The following SENP6 variants were observed in gnomAD, a reference collection of about 807,000 sequenced individuals.
The protein encoded by SENP6 is SUMO specific peptidase 6, also known as sentrin-specific protease 6.
SENP6 carries 41 observed loss-of-function variants against 134.5 expected under a neutral mutation model. That is an observed-to-expected ratio of 0.30 (90% CI 0.24 to 0.40). The LOEUF (loss-of-function observed/expected upper bound fraction) is 0.40. SENP6 is among the 10% of genes least tolerant of loss of function. SENP6 has a pLI of 1.00. For synonymous variants in SENP6, 395 were observed against 429.8 expected (o/e 0.92, Z 1.00); for missense variants, 1,248 against 1,312.5 (o/e 0.95, Z 0.76).
chr6:75,621,468 C>T, intron 1 of SENP6, 64 bp from the exon 2 acceptor site: 1 of 956,182 alleles, frequency 1.0e-6, no homozygotes, highest in Non-Finnish European at 1.6e-6. Flanking sequence ...GGGAAATGCA[C>T]ATATTTGTTT....
chr6:75,636,174 T>C (rs1178912655), intron 5 of SENP6, among the ~76,000 whole-genome samples: 1 of 152,172 alleles, frequency 6.6e-6, no homozygotes, highest in East Asian at 1.9e-4. Context: ...TCAGTTCATA[T>C]GAACTAGTTT....
At chr6:75,662,167 G>A (rs1235050847) in intron 8 of SENP6, among the ~76,000 whole-genome samples, 3 of 152,182 alleles carry the variant, frequency 2.0e-5, no homozygotes, top group Admixed American at 1.3e-4. Flanking sequence ...ATTAAGTGCA[G>A]TTGGTTATTT....
chr6:75,661,134 T>C (rs1279748146), intron 8 of SENP6, among the ~76,000 whole-genome samples: 1 of 152,234 alleles, frequency 6.6e-6, no homozygotes, highest in African/African-American at 2.4e-5. Context: ...ATATTTAATC[T>C]ATATTAGAAT....
At chr6:75,651,066 G>T (rs1770823047) in intron 7 of SENP6, among the ~76,000 whole-genome samples, 1 of 152,152 alleles carries the variant, frequency 6.6e-6, no homozygotes, top group Admixed American at 6.5e-5. Context: ...ACCATTAAGT[G>T]TAATTTTTGG....
intron 18 of SENP6, among the ~76,000 whole-genome samples, chr6:75,699,835 T>C (rs138244913): frequency 2.9e-4 from 44 of 152,264 alleles, no homozygotes; most frequent in African/African-American, 1.0e-3. Flanking sequence ...AAAATTGTTA[T>C]AGTAATTTCC....
rs1771919332 is a variant in SENP6 at position 75,663,252 on chromosome 6, C to T, written c.728C>T (p.Thr243Ile). The T allele has an allele frequency of 1.2e-6, 2 of 1,613,028 alleles. No homozygotes were observed. The highest frequency in any genetic ancestry group is 1.7e-6 in the Non-Finnish European group (2 of 1,179,680). ...CAAAGAAATTGCAGACAAGCTATTA[C>T]TTTGAATGAGTCTACTGGACCATTA... ...DLQRNCRQAITLNESTGPLLR... is the reference protein window; with the variant it reads ...DLQRNCRQAIILNESTGPLLR... Residue 243 changes from threonine to isoleucine, a missense_variant, in exon 9 of 24, where the codon ACT (threonine) becomes ATT (isoleucine). Physicochemically the swap from Thr to Ile is moderately conservative, Grantham distance 89. Coordinates refer to ENST00000447266, the MANE Select transcript of SENP6 (RefSeq NM_015571.4).
At chr6:75,605,245 C>T (rs1766944083) in intron 1 of SENP6, among the ~76,000 whole-genome samples, 2 of 152,198 alleles carry the variant, frequency 1.3e-5, no homozygotes, top group Admixed American at 1.3e-4. Flanking sequence ...ACTAGGTTTT[C>T]ATTTGCTCAT....
intron 7 of SENP6, chr6:75,655,368 A>G (rs1448366926): frequency 1.3e-5 from 2 of 152,354 alleles, no homozygotes; most frequent in East Asian, 3.9e-4. Flanking sequence ...TGAAAACTAC[A>G]TATCCCTTTC....
At chr6:75,610,750 G>T (rs1008080742) in intron 1 of SENP6, among the ~76,000 whole-genome samples, 3 of 152,152 alleles carry the variant, frequency 2.0e-5, no homozygotes, top group Non-Finnish European at 4.4e-5. Context: ...GCCTGGAGTA[G>T]TATGAAAACA....
chr6:75,610,014 C>T (rs1234348781), intron 1 of SENP6, among the ~76,000 whole-genome samples: 1 of 152,152 alleles, frequency 6.6e-6, no homozygotes, highest in East Asian at 1.9e-4. Context: ...TCTCAAACTC[C>T]TGACCTCAAG....
At chr6:75,651,701 A>G (rs535181485) in intron 7 of SENP6, among the ~76,000 whole-genome samples, 1 of 152,292 alleles carries the variant, frequency 6.6e-6, no homozygotes, top group South Asian at 2.1e-4. Context: ...ATTTTAATAT[A>G]TAACTCTCCA....
chr6:75,698,453 GT>G (rs1475153846), intron 18 of SENP6, among the ~76,000 whole-genome samples: 1 of 151,840 alleles, frequency 6.6e-6, no homozygotes, highest in Admixed American at 6.6e-5. Flanking sequence ...CTATGAGATT[GT>G]TTATGTCTAA....
At chr6:75,679,594 T>C (rs1449922850) in intron 16 of SENP6, 1 of 152,246 alleles carries the variant, frequency 6.6e-6, no homozygotes, top group African/African-American at 2.4e-5. Context: ...TCATTATCTT[T>C]GGAGGTTGGG....
chr6:75,617,263 C>CT (rs71002751), intron 1 of SENP6, among the ~76,000 whole-genome samples: 10,330 of 58,034 alleles, frequency 0.18, 2,731 homozygotes, highest in Non-Finnish European at 0.27. Context: ...TTCTTTCTTT[C>CT]TTTTTTTTTT....
At position 75,713,278 on chromosome 6, in the gene SENP6, TAA is replaced by T. The variant is rs201325696; in HGVS notation, c.2910-234_2910-233del. Among the ~76,000 whole-genome samples the T allele has an allele frequency of 2.4e-3, 370 of 152,256 alleles. 1 individual carries two copies. Among genetic ancestry groups the T allele is most frequent in the African/African-American group, 7.8e-3 (322 of 41,544 alleles). Reference sequence around the variant, plus strand: ...GTATAAAATATAGCTAAGATATGGTTAAGTTAATATTCTATAATTCAATATTT... The same window carrying T: ...GTATAAAATATAGCTAAGATATGGTTGTTAATATTCTATAATTCAATATTT... On this transcript the variant is annotated intron_variant, in intron 21 of 23. Coordinates refer to ENST00000447266, the MANE Select transcript of SENP6 (RefSeq NM_015571.4).
intron 18 of SENP6, among the ~76,000 whole-genome samples, chr6:75,701,437 A>G (rs1775018044): frequency 6.6e-6 from 1 of 152,190 alleles, no homozygotes; most frequent in Non-Finnish European, 1.5e-5. Flanking sequence ...ACTAGGTTAG[A>G]TATGTTATTT....
At chr6:75,670,121 A>G (rs916001374) in intron 10 of SENP6, among the ~76,000 whole-genome samples, 4 of 151,918 alleles carry the variant, frequency 2.6e-5, no homozygotes, top group African/African-American at 7.3e-5. Context: ...AATTTTTTGT[A>G]CTTTTAGTAG....
chr6:75,623,891 T>C lies in SENP6; in HGVS notation c.147-9T>C. 6.3e-7 allele frequency: 1 copy of C among 1,596,234 alleles called. No individual in the cohort carries two copies. Among genetic ancestry groups the C allele is most frequent in the South Asian group, 1.2e-5 (1 of 86,866 alleles). On this transcript the variant is annotated splice_polypyrimidine_tract_variant and intron_variant, in intron 2 of 23. Coordinates refer to ENST00000447266, the MANE Select transcript of SENP6 (RefSeq NM_015571.4). ...TACTTATGTTTTTTTCCCCTTATTT[T>C]CTGTGTAGTGGGACAAATCTGCTCA... is the stretch of plus-strand genomic sequence containing the variant.
intron 16 of SENP6, among the ~76,000 whole-genome samples, chr6:75,688,794 G>A (rs778231684): frequency 5.2e-4 from 79 of 152,174 alleles, no homozygotes; most frequent in African/African-American, 1.7e-3. Context: ...CAAGCCAGGC[G>A]TGGTGGCTCA....
Sources: allele counts gnomAD v4.1 joint callset (sites outside exome capture counted in the v4.1 genomes callset), GRCh38; gene constraint gnomAD v4.1.1; transcripts MANE v1.5; gene names NCBI Gene and HGNC (gene_info 2026-07-23, HGNC 2026-07-21).